Variants in ERC2 observed in about 807,000 individuals in gnomAD.
ERC2 encodes the protein ERC protein 2.
Under a neutral mutation model 114.8 loss-of-function variants are expected in ERC2, and 42 were observed. That is an observed-to-expected ratio of 0.37 (90% CI 0.29 to 0.47). The LOEUF (loss-of-function observed/expected upper bound fraction) is 0.47. Among genes scored for constraint, ERC2 ranks in the 20% least tolerant of loss-of-function variants. The pLI, the probability that ERC2 is intolerant of heterozygous loss-of-function variation, is 0.99. For synonymous variants in ERC2, 454 were observed against 425.5 expected, an observed-to-expected ratio of 1.07 and a Z score of -0.82; for missense variants, 939 against 1,150.7, an observed-to-expected ratio of 0.82 and a Z score of 2.66.
At chr3:56,258,383 C>G (rs58122496) in intron 3 of ERC2, among the ~76,000 whole-genome samples, 1 of 152,168 alleles carries the variant, frequency 6.6e-6, no homozygotes, top group East Asian at 1.9e-4. Flanking sequence ...ACTGGCCGGG[C>G]GCGGTGGCTC....
At chr3:56,210,643 T>A (rs531893064) in intron 3 of ERC2, among the ~76,000 whole-genome samples, 1 of 152,206 alleles carries the variant, frequency 6.6e-6, no homozygotes, top group Non-Finnish European at 1.5e-5. Context: ...AAATCTTGGA[T>A]AAACTGCTGG....
rs943650504 is a variant in ERC2, at chr3:56,112,492, C to G, written c.1473+27017G>C. Reference sequence around the variant, plus strand: ...ATTGGCACACACACATAGGCACACACTTATGAAAGGTACAAAATTTTCATT... The same window carrying G: ...ATTGGCACACACACATAGGCACACAGTTATGAAAGGTACAAAATTTTCATT... On this transcript the variant is annotated intron_variant, in intron 6 of 17. Transcript: ENST00000288221. 4.6e-5 allele frequency among the ~76,000 whole-genome samples: 7 copies of G among 151,756 alleles called. No homozygotes were observed. The East Asian group carries it at 1.4e-3, about 29-fold the overall frequency.
chr3:55,857,215 GTA>G (rs2061827499), intron 14 of ERC2, among the ~76,000 whole-genome samples: 1 of 152,138 alleles, frequency 6.6e-6, no homozygotes, highest in African/African-American at 2.4e-5. Flanking sequence ...AACAGAGAGG[GTA>G]CGAGGACAGA....
chr3:55,831,294 A>G (rs1211657164), intron 14 of ERC2, among the ~76,000 whole-genome samples: 1 of 144,884 alleles, frequency 6.9e-6, no homozygotes, highest in Non-Finnish European at 1.5e-5. Flanking sequence ...ACTGGGTGAC[A>G]GAGCAAGATC....
intron 12 of ERC2, among the ~76,000 whole-genome samples, chr3:55,956,606 G>C (rs1481146125): frequency 6.6e-6 from 1 of 152,112 alleles, no homozygotes; most frequent in Admixed American, 6.5e-5. Context: ...GATCTGGCCT[G>C]CTGTGGCAAC....
chr3:56,263,414 T>C (rs1394420462), intron 3 of ERC2, among the ~76,000 whole-genome samples: 2 of 150,094 alleles, frequency 1.3e-5, no homozygotes, highest in Non-Finnish European at 3.0e-5. Context: ...GGAAGAACAG[T>C]TTCATTTTCT....
Position 56,239,185 on chromosome 3 carries a change from G to T in ERC2, c.1074+56834C>A, listed in dbSNP as rs560364748. 4.6e-5 allele frequency among the ~76,000 whole-genome samples: 7 copies of T among 152,320 alleles called. No homozygotes were observed. The South Asian group carries it at 1.2e-3, about 27-fold the overall frequency. ...ATACAAAGGGAAAAAATTATGAAGA[G>T]ATTACCCTAAGACTCAGCATCCAAA... is the stretch of plus-strand genomic sequence containing the variant. On this transcript the variant is annotated intron_variant, in intron 3 of 17. Transcript: ENST00000288221.
chr3:55,839,066 T>C (rs2061019197), intron 14 of ERC2, among the ~76,000 whole-genome samples: 1 of 151,196 alleles, frequency 6.6e-6, no homozygotes, highest in Non-Finnish European at 1.5e-5. Flanking sequence ...TTAAAACTAA[T>C]GATAAAGAGA....
intron 2 of ERC2, among the ~76,000 whole-genome samples, chr3:56,340,386 T>C (rs1302261358): frequency 6.6e-6 from 1 of 152,190 alleles, no homozygotes; most frequent in Admixed American, 6.5e-5. Flanking sequence ...AAAGCACTTG[T>C]ACCTCAGCAG....
At chr3:55,822,428 G>C (rs1181755756) in intron 14 of ERC2, among the ~76,000 whole-genome samples, 1 of 151,932 alleles carries the variant, frequency 6.6e-6, no homozygotes, top group Non-Finnish European at 1.5e-5. Flanking sequence ...AAATTATCTT[G>C]TTTTATTATG....
chr3:55,949,901 C>T (rs1449961643), intron 13 of ERC2, among the ~76,000 whole-genome samples: 1 of 152,170 alleles, frequency 6.6e-6, no homozygotes, highest in Non-Finnish European at 1.5e-5. Flanking sequence ...TGGTTTGTTT[C>T]TAAGATATGG....
chr3:55,740,369 TG>T (rs2065903610), intron 14 of ERC2, among the ~76,000 whole-genome samples: 1 of 152,172 alleles, frequency 6.6e-6, no homozygotes, highest in Admixed American at 6.6e-5. Flanking sequence ...GTTTTGCTTT[TG>T]GCTAACAAAT....
At chr3:56,345,621 A>G (rs2058275547) in intron 2 of ERC2, among the ~76,000 whole-genome samples, 1 of 152,212 alleles carries the variant, frequency 6.6e-6, no homozygotes, top group African/African-American at 2.4e-5. Context: ...CTGGGGAGTG[A>G]AAGACAACAA....
intron 1 of ERC2, among the ~76,000 whole-genome samples, chr3:56,436,588 C>G (rs1338907837): frequency 6.6e-6 from 1 of 152,120 alleles, no homozygotes; most frequent in Non-Finnish European, 1.5e-5. Context: ...GGTTGACTCC[C>G]TTCACTCCAC....
In ERC2 at chr3:56,078,869, A is replaced by G. The variant is rs542348496; in HGVS notation, c.1641+1948T>C. Among the ~76,000 whole-genome samples, 386 of 149,288 alleles carry G rather than the reference A, an allele frequency of 2.6e-3. 3 individuals are homozygous for G. The highest frequency in any genetic ancestry group is 8.9e-3 in the African/African-American group (366 of 41,142). On this transcript the variant is annotated intron_variant, in intron 7 of 17. Transcript: ENST00000288221. Reference sequence around the variant, plus strand: ...AAATATATATTTATTTATATTATATAAATTTTAAAAATACATATACACACA... The same window carrying G: ...AAATATATATTTATTTATATTATATGAATTTTAAAAATACATATACACACA...
chr3:55,978,932 T>G (rs1052201978), intron 12 of ERC2, among the ~76,000 whole-genome samples: 1 of 152,230 alleles, frequency 6.6e-6, no homozygotes, highest in African/African-American at 2.4e-5. Context: ...TAGGAATCCC[T>G]AAAAAGCCCC....
intron 17 of ERC2, among the ~76,000 whole-genome samples, chr3:55,614,271 C>T (rs1312728594): frequency 6.6e-6 from 1 of 152,146 alleles, no homozygotes; most frequent in Admixed American, 6.5e-5. Context: ...CACCAAAATA[C>T]TCTGAGTTTT....
chr3:56,376,637 C>T (rs1306173986), intron 2 of ERC2, among the ~76,000 whole-genome samples: 1 of 152,014 alleles, frequency 6.6e-6, no homozygotes, highest in Non-Finnish European at 1.5e-5. Flanking sequence ...GTAGCACAAA[C>T]CTGTAATCCC....
intron 13 of ERC2, among the ~76,000 whole-genome samples, chr3:55,935,997 T>C (rs1459916510): frequency 6.6e-6 from 1 of 152,254 alleles, no homozygotes; most frequent in Non-Finnish European, 1.5e-5. Flanking sequence ...GCCTATCTGA[T>C]TATTCAGTTA....
Sources: gnomAD v4.1 joint callset for allele counts (sites outside exome capture counted in the v4.1 genomes callset) on GRCh38, gnomAD v4.1.1 for gene constraint, MANE v1.5 for transcripts, NCBI Gene and HGNC (gene_info 2026-07-23, HGNC 2026-07-21) for gene names.